TFAP2B: variants seen among roughly 807,000 people sequenced by gnomAD.
TFAP2B encodes the protein transcription factor AP-2 beta, also known as transcription factor AP-2-beta.
TFAP2B carries 9 observed loss-of-function variants against 44.3 expected under a neutral mutation model. That is an observed-to-expected ratio of 0.20 (90% CI 0.12 to 0.35). The LOEUF (loss-of-function observed/expected upper bound fraction) is 0.35. TFAP2B is among the 10% of genes least tolerant of loss of function. The pLI is 1.00. For missense variants in TFAP2B, 509 were observed against 600.0 expected, an observed-to-expected ratio of 0.85 and a Z score of 1.59; for synonymous variants, 270 against 263.8, an observed-to-expected ratio of 1.02 and a Z score of -0.23.
chr6:50,819,003 G>A (rs371429150), intron 1 of TFAP2B, 31 bp downstream of exon 1: 1 of 1,590,790 alleles, frequency 6.3e-7, no homozygotes, highest in Non-Finnish European at 8.6e-7. Context: ...GCACCTTAGA[G>A]CTTTGCAGAT....
At chr6:50,837,716 A>G (rs1363695662) in intron 4 of TFAP2B, among the ~76,000 whole-genome samples, 5 of 152,088 alleles carry the variant, frequency 3.3e-5, no homozygotes, top group African/African-American at 1.2e-4. Flanking sequence ...CCTACACCTA[A>G]TTATTCCCAT....
intron 3 of TFAP2B, among the ~76,000 whole-genome samples, chr6:50,832,746 T>C (rs965937758): frequency 6.6e-6 from 1 of 151,922 alleles, no homozygotes; most frequent in East Asian, 1.9e-4. Flanking sequence ...TTCTCAAAAC[T>C]ATAATTTCAC....
At chr6:50,825,106 T>C (rs1164743442) in intron 2 of TFAP2B, among the ~76,000 whole-genome samples, 2 of 152,178 alleles carry the variant, frequency 1.3e-5, no homozygotes, top group African/African-American at 4.8e-5. Context: ...TGGTCTATGA[T>C]TGTTTATTGT....
chr6:50,825,437 C>A (rs907466293), intron 2 of TFAP2B, among the ~76,000 whole-genome samples: 1 of 152,084 alleles, frequency 6.6e-6, no homozygotes, highest in African/African-American at 2.4e-5. Flanking sequence ...AATGCCGGCC[C>A]TGTTACCACC....
At chr6:50,821,639 CT>C (rs553165398) in intron 1 of TFAP2B, 40 of 155,878 alleles carry the variant, frequency 2.6e-4, no homozygotes, top group African/African-American at 8.9e-4. Context: ...TGCCAGCCCC[CT>C]CGTCTGATTA....
At chr6:50,819,036 C>T (rs1187599659) in intron 1 of TFAP2B, 64 bp downstream of exon 1, 6 of 1,398,334 alleles carry the variant, frequency 4.3e-6, no homozygotes, top group Non-Finnish European at 5.1e-6. Context: ...CTTCTTGATA[C>T]CCCAAATGAT....
Position 50,823,687 on chromosome 6 carries a change from T to C in TFAP2B, c.362T>C (p.Leu121Pro). The change falls in exon 2 of 7, where the codon CTC (leucine) becomes CCC (proline). Residue 121 changes from leucine to proline, a missense_variant. Around this residue, in one of 3 missense-constraint regions of TFAP2B, gnomAD observed 296 missense variants for 308.2 expected, o/e 0.96. Transcript: ENST00000393655. The stretch of plus-strand genomic sequence containing the variant: ...GAAGTGGGTTCGGAAGCCGGCTCTC[T>C]CCTGCCCCAGCCTCGGGCCGCCTTG... ...RQEVGSEAGS[L>P]LPQPRAALPQ... 1 of 1,613,694 alleles carries C rather than the reference T, an allele frequency of 6.2e-7. No homozygotes were observed.
At chr6:50,842,659 C>T (rs2113959618) in intron 6 of TFAP2B, among the ~76,000 whole-genome samples, 1 of 152,342 alleles carries the variant, frequency 6.6e-6, no homozygotes, top group South Asian at 2.1e-4. Context: ...GCCGAGGGGC[C>T]TAAATCTTTC....
At chr6:50,836,653 C>T (rs991327901) in intron 4 of TFAP2B, among the ~76,000 whole-genome samples, 6 of 152,106 alleles carry the variant, frequency 3.9e-5, no homozygotes, top group African/African-American at 1.2e-4. Flanking sequence ...GAACTAACAG[C>T]CCCCCAGCCC....
chr6:50,826,835 G>C (rs977031524), intron 2 of TFAP2B, among the ~76,000 whole-genome samples: 7 of 152,066 alleles, frequency 4.6e-5, no homozygotes, highest in Non-Finnish European at 4.4e-5. Flanking sequence ...AAACACACCC[G>C]AGTGTCTTAA....
At chr6:50,825,469 T>TAC (rs1770477780) in intron 2 of TFAP2B, among the ~76,000 whole-genome samples, 4 of 152,172 alleles carry the variant, frequency 2.6e-5, no homozygotes, top group Admixed American at 2.6e-4. Flanking sequence ...CAAGTGACTC[T>TAC]AGCGAAGGAA....
chr6:50,833,131 A>C (rs1762548374), intron 3 of TFAP2B, among the ~76,000 whole-genome samples: 1 of 152,234 alleles, frequency 6.6e-6, no homozygotes, highest in African/African-American at 2.4e-5. Context: ...CTGTCGCTTT[A>C]AACCTATCTC....
chr6:50,845,571 A>G lies in TFAP2B; in HGVS notation c.*2179A>G, dbSNP rs1189612125. The G allele has an allele frequency of 6.5e-6, 1 of 152,756 alleles. No homozygotes were observed. Among genetic ancestry groups the G allele is most frequent in the Non-Finnish European group, 1.5e-5 (1 of 68,160 alleles). The allele number at this position is 152,756 out of a possible 1,614,324, so 9.5% of individuals were successfully genotyped here. ...AAGAGCTAGACGTTACGGAGAGTGT[A>G]GTCACTCTCTTTTCCCAGCTCAGAG... On this transcript the variant is annotated 3_prime_UTR_variant, in exon 7 of 7. Transcript: ENST00000393655.
chr6:50,826,952 C>T (rs1319586740), intron 2 of TFAP2B, among the ~76,000 whole-genome samples: 2 of 152,220 alleles, frequency 1.3e-5, no homozygotes, highest in East Asian at 1.9e-4. Context: ...ACGATCCTCC[C>T]TGTGACGATT....
At position 50,846,152 on chromosome 6, in the gene TFAP2B, C is replaced by T. The variant is rs1762844912; in HGVS notation, c.*2760C>T. 1 of 152,642 alleles carries T rather than the reference C, an allele frequency of 6.6e-6. No individual in the cohort carries two copies. The highest frequency in any genetic ancestry group is 2.1e-4 in the South Asian group (1 of 4,834). 9.5% of individuals were successfully genotyped at this position (152,642 alleles called of 1,614,324 possible). ...GGGTACCTTCATTGCCAGACGCCCTCATTTGTGTGTTCCTCCTTGCTCCAG... is the reference window on the plus strand; with the variant it reads ...GGGTACCTTCATTGCCAGACGCCCTTATTTGTGTGTTCCTCCTTGCTCCAG... On this transcript the variant is annotated 3_prime_UTR_variant, in exon 7 of 7. Coordinates refer to ENST00000393655, the MANE Select transcript of TFAP2B (RefSeq NM_003221.4).
In TFAP2B at chr6:50,847,296, G is replaced by A. The variant is rs946593794; in HGVS notation, c.*3904G>A. 1.3e-5 allele frequency: 2 copies of A among 152,336 alleles called. No homozygotes were observed. Among genetic ancestry groups the A allele is most frequent in the Non-Finnish European group, 2.9e-5 (2 of 67,998 alleles). The allele number at this position is 152,336 out of a possible 1,614,324, so 9.4% of individuals were successfully genotyped here. A position where few individuals can be genotyped will look rare whatever the true frequency, so the allele number is the denominator to read the frequency against. The stretch of plus-strand genomic sequence containing the variant: ...TCTCTAATTCTCTAACATTGTTTTT[G>A]CCACACAATCAAGAAATATCAATCT... On this transcript the variant is annotated 3_prime_UTR_variant, in exon 7 of 7. Coordinates refer to ENST00000393655, the MANE Select transcript of TFAP2B (RefSeq NM_003221.4).
intron 6 of TFAP2B, among the ~76,000 whole-genome samples, chr6:50,842,267 A>G (rs1407556178): frequency 6.6e-6 from 1 of 152,194 alleles, no homozygotes; most frequent in African/African-American, 2.4e-5. Context: ...AAATTTCTCA[A>G]ATAAGCTCAA....
Position 50,846,678 on chromosome 6 carries a change from G to T in TFAP2B, c.*3286G>T, listed in dbSNP as rs1308147093. The T allele has an allele frequency of 6.6e-6, 1 of 152,202 alleles. No individual in the cohort carries two copies. The highest frequency in any genetic ancestry group is 2.4e-5 in the African/African-American group (1 of 41,442). 9.4% of individuals were successfully genotyped at this position (152,202 alleles called of 1,614,324 possible). The stretch of plus-strand genomic sequence containing the variant: ...CCTGCACGTATTGCAGGTCTCTGGG[G>T]AGCAAGAAATGTCCTGTTTGGGTGA... On this transcript the variant is annotated 3_prime_UTR_variant, in exon 7 of 7. Transcript: ENST00000393655.
chr6:50,835,671 G>A (rs1250763875), intron 3 of TFAP2B, among the ~76,000 whole-genome samples: 3 of 152,200 alleles, frequency 2.0e-5, no homozygotes, highest in Non-Finnish European at 2.9e-5. Flanking sequence ...TTATCCTCAG[G>A]AGACAGATAA....
Sources: allele counts gnomAD v4.1 joint callset (sites outside exome capture counted in the v4.1 genomes callset), GRCh38; gene constraint gnomAD v4.1.1; regional missense constraint gnomAD v4.1.1; transcripts MANE v1.5; gene names NCBI Gene and HGNC (gene_info 2026-07-23, HGNC 2026-07-21).